KRTCAP3: variants seen among roughly 807,000 people sequenced by gnomAD.
KRTCAP3 encodes keratinocyte associated protein 3.
In KRTCAP3, 18 loss-of-function variants were observed where a neutral mutation model predicts 20.5. That is an observed-to-expected ratio of 0.88 (90% CI 0.61 to 1.31). KRTCAP3 has a LOEUF of 1.31. KRTCAP3 is among the 50% of genes most tolerant of loss of function. KRTCAP3 has a pLI of 0.00. For synonymous variants in KRTCAP3, 167 were observed against 133.7 expected (o/e 1.25, Z -1.72); for missense variants, 347 against 310.4 (o/e 1.12, Z -0.89).
chr2:27,442,670 T>G lies in KRTCAP3; in HGVS notation c.120T>G (p.His40Gln), dbSNP rs753786461. 6.3e-7 allele frequency: 1 copy of G among 1,587,076 alleles called. No individual in the cohort carries two copies. Among genetic ancestry groups the G allele is most frequent in the Non-Finnish European group, 8.6e-7 (1 of 1,166,126 alleles). ...ACCTGCTGCTGGGGGCCGTGCTGCA[T>G]GGCACCGTCCTGCGGCACGTGGCCA... Reference protein sequence around the residue: ...HVNLLLGAVLHGTVLRHVANP... With the variant: ...HVNLLLGAVLQGTVLRHVANP... The change falls in exon 2 of 7, where the codon CAT becomes CAG. Residue 40 changes from histidine to glutamine, a missense_variant. Transcript: ENST00000288873.
At position 27,443,133 on chromosome 2, in the gene KRTCAP3, G is replaced by C; in HGVS notation, c.333G>C (p.Leu111=). 1 of 1,614,096 alleles carries C rather than the reference G, an allele frequency of 6.2e-7. No individual in the cohort carries two copies. Among genetic ancestry groups the C allele is most frequent in the Non-Finnish European group, 8.5e-7 (1 of 1,180,008 alleles). Residue 111 remains leucine, a synonymous_variant, in exon 4 of 7, where the codon CTG becomes CTC. Transcript: ENST00000288873. ...VNLLLSVACS[L]GLLLAVSLTV... is the part of the protein sequence containing the mutation. Reference sequence around the variant, plus strand: ...TGCTCTTGTCCGTTGCCTGCTCCCTGGGCCTCCTTCTTGCTGTGTCACTCA... The same window carrying C: ...TGCTCTTGTCCGTTGCCTGCTCCCTCGGCCTCCTTCTTGCTGTGTCACTCA...
chr2:27,446,175 TTCCTC>T, downstream of KRTCAP3: 1 of 1,427,848 alleles, frequency 7.0e-7, no homozygotes, highest in Non-Finnish European at 9.9e-7. Context: ...ACACTCAGCT[TTCCTC>T]TACCAGAGCA....
In KRTCAP3 at chr2:27,443,473, G is replaced by A. The variant is rs1296799521; in HGVS notation, c.556G>A (p.Val186Met). 6.2e-7 allele frequency: 1 copy of A among 1,614,038 alleles called. No homozygotes were observed. The highest frequency in any genetic ancestry group is 8.5e-7 in the Non-Finnish European group (1 of 1,180,026). ...GEAALSGYCCVAALTLRGVGP... is the reference protein window; with the variant it reads ...GEAALSGYCCMAALTLRGVGP... ...GGCTGCTCTATCTGGTTACTGCTGT[G>A]TGGCTGCACTCACTCTACGTGGAGT... The change falls in exon 5 of 7, where the codon GTG (valine) becomes ATG (methionine). Residue 186 changes from valine to methionine, a missense_variant. Physicochemically the swap from Val to Met is conservative, Grantham distance 21. Transcript: ENST00000288873.
In KRTCAP3 at chr2:27,442,784, G is replaced by A. The variant is rs375274815; in HGVS notation, c.213+21G>A. 4.0e-5 allele frequency: 64 copies of A among 1,611,082 alleles called. 1 individual carries two copies. Among genetic ancestry groups the A allele is most frequent in the Middle Eastern group, 1.6e-4 (1 of 6,082 alleles). ...TGCTGGTGAGCGCGGCAGGCGACCC[G>A]GGCGGGGGCCGGGCTCCCGGAGAGC... is the stretch of plus-strand genomic sequence containing the variant. On this transcript the variant is annotated intron_variant, in intron 2 of 6. Transcript: ENST00000288873.
rs771136044 is a variant in KRTCAP3, at chr2:27,442,629, T to C, written c.79T>C (p.Leu27=). The stretch of plus-strand genomic sequence containing the variant: ...GATGCGTGTGGGCCTCGCGCTGATC[T>C]TGGTGGGCCACGTGAACCTGCTGCT... The part of the protein sequence containing the change: ...RLMRVGLALI[L]VGHVNLLLGA... Residue 27 remains leucine, a synonymous_variant, in exon 2 of 7, where the codon TTG becomes CTG. Coordinates refer to ENST00000288873, the MANE Select transcript of KRTCAP3 (RefSeq NM_173853.4). 1.3e-6 allele frequency: 2 copies of C among 1,571,980 alleles called. No individual in the cohort carries two copies. The highest frequency in any genetic ancestry group is 1.7e-6 in the Non-Finnish European group (2 of 1,159,914).
downstream of KRTCAP3, chr2:27,445,162 A>T: frequency 6.2e-7 from 1 of 1,607,528 alleles, no homozygotes; most frequent in Non-Finnish European, 8.5e-7. The surrounding 1 kb of genome is among the most constrained non-coding windows in gnomAD (Gnocchi z 4.4). Context: ...GGAGGGAAAA[A>T]TGAGGAGCAG....
At position 27,442,665 on chromosome 2, in the gene KRTCAP3, C is replaced by A; in HGVS notation, c.115C>A (p.Leu39Met). 1 of 1,584,090 alleles carries A rather than the reference C, an allele frequency of 6.3e-7. No homozygotes were observed. The highest frequency in any genetic ancestry group is 8.6e-7 in the Non-Finnish European group (1 of 1,164,530). ...GHVNLLLGAV[L>M]HGTVLRHVAN... The stretch of plus-strand genomic sequence containing the variant: ...CGTGAACCTGCTGCTGGGGGCCGTG[C>A]TGCATGGCACCGTCCTGCGGCACGT... Residue 39 changes from leucine to methionine, a missense_variant, in exon 2 of 7, where the codon CTG becomes ATG. By Grantham distance (15) the Leu-to-Met change is conservative (BLOSUM62 2). Coordinates refer to ENST00000288873, the MANE Select transcript of KRTCAP3 (RefSeq NM_173853.4).
At chr2:27,445,884 G>A (rs188659223), downstream of KRTCAP3, 26 of 1,614,014 alleles carry the variant, frequency 1.6e-5, 1 homozygote, top group African/African-American at 1.6e-4. This position sits in a 1 kb window ranked among gnomAD's most constrained non-coding sequence, Gnocchi z 4.4. Flanking sequence ...CACAGCTCGC[G>A]ACTGGCAAAA....
chr2:27,442,539 C>A, intron 1 of KRTCAP3, 40 bp from the exon 2 acceptor site: 1 of 1,533,862 alleles, frequency 6.5e-7, no homozygotes, highest in Non-Finnish European at 8.8e-7. Flanking sequence ...CCTCTCCCCT[C>A]CCCGCCCGAC....
In KRTCAP3 at chr2:27,443,130, C is replaced by T. The variant is rs1236804358; in HGVS notation, c.330C>T (p.Ser110=). ...LVNLLLSVAC[S]LGLLLAVSLT... is the part of the protein sequence containing the mutation. ...ACCTGCTCTTGTCCGTTGCCTGCTCCCTGGGCCTCCTTCTTGCTGTGTCAC... is the reference window on the plus strand; with the variant it reads ...ACCTGCTCTTGTCCGTTGCCTGCTCTCTGGGCCTCCTTCTTGCTGTGTCAC... The change falls in exon 4 of 7, where the codon TCC becomes TCT. Residue 110 remains serine (S), a synonymous_variant. Transcript: ENST00000288873. 5 of 1,614,100 alleles carry T rather than the reference C, an allele frequency of 3.1e-6. No individual in the cohort carries two copies. The highest frequency in any genetic ancestry group is 4.2e-6 in the Non-Finnish European group (5 of 1,180,016).
chr2:27,444,790 G>A (rs931169377), downstream of KRTCAP3, among the ~76,000 whole-genome samples: 3 of 152,130 alleles, frequency 2.0e-5, no homozygotes, highest in Non-Finnish European at 4.4e-5. Context: ...TGGGATTACA[G>A]GTGCACGCCA....
In KRTCAP3 at chr2:27,444,277, A is replaced by G; in HGVS notation, c.*97A>G. The G allele has an allele frequency of 1.5e-6, 1 of 653,724 alleles. No homozygotes were observed. The highest frequency in any genetic ancestry group is 1.9e-5 in the South Asian group (1 of 51,380). The allele number at this position is 653,724 out of a possible 1,614,324, so 40.5% of individuals were successfully genotyped here. On this transcript the variant is annotated 3_prime_UTR_variant, in exon 7 of 7. Coordinates refer to ENST00000288873, the MANE Select transcript of KRTCAP3 (RefSeq NM_173853.4). ...GGGATGAGATAACAAATTGTAATAA[A>G]GTAACTTCTCTTTTCTTCTACTTGA...
At chr2:27,444,369 G>A (rs1242209333), downstream of KRTCAP3, 7 of 996,386 alleles carry the variant, frequency 7.0e-6, no homozygotes, top group Non-Finnish European at 9.4e-6. Flanking sequence ...AGAATACAGT[G>A]GTCTCAATTA....
intron 5 of KRTCAP3, 23 bp from the exon 6 acceptor site, chr2:27,443,926 T>A: frequency 1.5e-6 from 2 of 1,321,564 alleles, no homozygotes; most frequent in Non-Finnish European, 2.2e-6. Context: ...GGCGAGGGTG[T>A]CTAACTCTAT....
chr2:27,442,876 C>T lies in KRTCAP3; in HGVS notation c.248C>T (p.Ser83Phe). ...GTGGGACTTGTGGCCCTCCTGGCGT[C>T]CAGGAACCTTCTTCGCCCTCCACTG... is the stretch of plus-strand genomic sequence containing the variant. ...VSVGLVALLA[S>F]RNLLRPPLHW... Residue 83 changes from serine (S) to phenylalanine (F), a missense_variant, in exon 3 of 7, where the codon TCC (serine) becomes TTC (phenylalanine). Ser to Phe is a radical substitution (Grantham distance 155). Transcript: ENST00000288873. 1 of 1,612,930 alleles carries T rather than the reference C, an allele frequency of 6.2e-7. No individual in the cohort carries two copies. Among genetic ancestry groups the T allele is most frequent in the Non-Finnish European group, 8.5e-7 (1 of 1,180,030 alleles).
chr2:27,445,081 A>G (rs762114339), downstream of KRTCAP3: 2 of 1,614,048 alleles, frequency 1.2e-6, no homozygotes, highest in Non-Finnish European at 1.7e-6. This position sits in a 1 kb window ranked among gnomAD's most constrained non-coding sequence, Gnocchi z 4.4. Flanking sequence ...CTTAAATTCA[A>G]TTTTGTTCCT....
At chr2:27,444,158 A>C in intron 6 of KRTCAP3, 28 bp from the exon 7 acceptor site, 1 of 796,280 alleles carries the variant, frequency 1.3e-6, no homozygotes, top group Non-Finnish European at 2.1e-6. Flanking sequence ...TTCCCCTCTG[A>C]CCTGGGTTGG....
At position 27,444,001 on chromosome 2, in the gene KRTCAP3, A is replaced by G; in HGVS notation, c.668A>G (p.Glu223Gly). ...CCTAAATGTAAAAGGCAGGAAAATG[A>G]GCAGCTACTGGATCAAAATCAAGAA... ...ESPKCKRQEN[E>G]QLLDQNQEIR... The change falls in exon 6 of 7, where the codon GAG becomes GGG. Residue 223 changes from glutamate to glycine, a missense_variant. Coordinates refer to ENST00000288873, the MANE Select transcript of KRTCAP3 (RefSeq NM_173853.4). The G allele has an allele frequency of 1.2e-6, 2 of 1,613,982 alleles. No homozygotes were observed. The highest frequency in any genetic ancestry group is 2.2e-5 in the East Asian group (1 of 44,886).
chr2:27,445,029 G>A (rs867122593), downstream of KRTCAP3: 2 of 1,613,998 alleles, frequency 1.2e-6, no homozygotes, highest in Middle Eastern at 1.6e-4. The surrounding 1 kb of genome is among the most constrained non-coding windows in gnomAD (Gnocchi z 4.4). Context: ...TGGCCATAAG[G>A]AATTTATTCC....
Sources: allele counts gnomAD v4.1 joint callset (sites outside exome capture counted in the v4.1 genomes callset), GRCh38; gene constraint gnomAD v4.1.1; non-coding constraint Gnocchi (gnomAD v3.1); transcripts MANE v1.5; gene names NCBI Gene and HGNC (gene_info 2026-07-23, HGNC 2026-07-21).